CACNA2D1: variants seen among roughly 807,000 people sequenced by gnomAD.
CACNA2D1 encodes voltage-dependent calcium channel subunit alpha-2/delta-1.
In CACNA2D1, 53 loss-of-function variants were observed where a neutral mutation model predicts 171.5. That is an observed-to-expected ratio of 0.31 (90% CI 0.25 to 0.39). CACNA2D1 has a LOEUF of 0.39. Among genes scored for constraint, CACNA2D1 ranks in the 10% least tolerant of loss-of-function variants. The probability of loss-of-function intolerance (pLI) is 1.00; values close to 1 mark genes in which losing one functional copy is unlikely to be tolerated. For synonymous variants in CACNA2D1, 442 were observed against 443.1 expected (o/e 1.00, Z 0.03); for missense variants, 903 against 1,299.8 (o/e 0.69, Z 4.69).
rs1288306352 is a variant in CACNA2D1 at position 82,402,800 on chromosome 7, G to GT, written c.95+40564dup. 2.0e-5 allele frequency among the ~76,000 whole-genome samples: 3 copies of GT among 150,386 alleles called. No homozygotes were observed. The East Asian group carries it at 5.9e-4, about 30-fold the overall frequency. On this transcript the variant is annotated intron_variant, in intron 1 of 38. Transcript: ENST00000356860. ...TATCCTTTAAACAAGTCAACTGAAT[G>GT]TTTTAAAATAAAGAGGGGACATGAT...
rs75158917 is a variant in CACNA2D1 at position 81,974,525 on chromosome 7, C to T, written c.1983G>A (p.Ser661=). Residue 661 remains serine, a synonymous_variant, in exon 25 of 39, where the codon TCG becomes TCA. Coordinates refer to ENST00000356860, the MANE Select transcript of CACNA2D1 (RefSeq NM_000722.4). ...TTAAAAGAAATTCAGTGTTATTATC[C>T]GATATTTTCAGGTCATTGCAGTAAT... ...PRDYCNDLKI[S]DNNTEFLLNF... is the part of the protein sequence containing the mutation. The T allele has an allele frequency of 2.3e-3, 3,628 of 1,564,042 alleles. 7 individuals carry two copies. Among genetic ancestry groups the T allele is most frequent in the Middle Eastern group, 2.9e-3 (17 of 5,898 alleles).
intron 1 of CACNA2D1, among the ~76,000 whole-genome samples, chr7:82,406,072 G>A (rs1169859638): frequency 6.6e-6 from 1 of 151,908 alleles, no homozygotes; most frequent in Non-Finnish European, 1.5e-5. Flanking sequence ...CCGGTGTGTG[G>A]TATTCCCCAC....
intron 3 of CACNA2D1, among the ~76,000 whole-genome samples, chr7:82,236,272 C>A (rs1033157350): frequency 6.6e-6 from 1 of 151,998 alleles, no homozygotes; most frequent in East Asian, 1.9e-4. Context: ...ATTTTAAAAG[C>A]CTTTGGATCC....
At chr7:82,364,626 G>T (rs1314492102) in intron 1 of CACNA2D1, among the ~76,000 whole-genome samples, 2 of 152,162 alleles carry the variant, frequency 1.3e-5, no homozygotes, top group African/African-American at 4.8e-5. Context: ...GCTCGAATTA[G>T]AATCTTATTC....
At chr7:82,173,597 T>A (rs1293521846) in intron 3 of CACNA2D1, among the ~76,000 whole-genome samples, 2 of 150,602 alleles carry the variant, frequency 1.3e-5, no homozygotes, top group African/African-American at 5.0e-5. Context: ...CAACAGTCAC[T>A]GGGTGGTGCT....
At chr7:82,212,961 T>C (rs1366322972) in intron 3 of CACNA2D1, among the ~76,000 whole-genome samples, 1 of 151,764 alleles carries the variant, frequency 6.6e-6, no homozygotes, top group African/African-American at 2.4e-5. Flanking sequence ...AGTGCAATGG[T>C]GCGATCTCAG....
chr7:82,200,011 C>G (rs957096543), intron 3 of CACNA2D1, among the ~76,000 whole-genome samples: 1 of 151,912 alleles, frequency 6.6e-6, no homozygotes, highest in African/African-American at 2.4e-5. Context: ...TTATGAAGTA[C>G]AAGAATAGGA....
chr7:82,118,560 G>A (rs1245534563), intron 5 of CACNA2D1, among the ~76,000 whole-genome samples: 1 of 152,022 alleles, frequency 6.6e-6, no homozygotes, highest in Non-Finnish European at 1.5e-5. Context: ...ATAATACAAT[G>A]AGAATATATT....
chr7:82,043,201 C>T (rs1432623448), intron 10 of CACNA2D1, among the ~76,000 whole-genome samples: 2 of 152,128 alleles, frequency 1.3e-5, no homozygotes, highest in Non-Finnish European at 1.5e-5. Flanking sequence ...TGCATCTTAG[C>T]TCTGCAATAT....
At chr7:82,097,501 G>A (rs866099329) in intron 6 of CACNA2D1, among the ~76,000 whole-genome samples, 2 of 152,096 alleles carry the variant, frequency 1.3e-5, no homozygotes, top group Non-Finnish European at 2.9e-5. Flanking sequence ...ACAAATGTGG[G>A]AAAGGAGAAA....
rs144824133 is a variant in CACNA2D1 at position 82,128,866 on chromosome 7, T to A, written c.396+7769A>T. Among the ~76,000 whole-genome samples the A allele has an allele frequency of 2.1e-3, 319 of 152,206 alleles. 1 individual carries two copies. The highest frequency in any genetic ancestry group is 7.1e-3 in the African/African-American group (293 of 41,534). On this transcript the variant is annotated intron_variant, in intron 5 of 38. Coordinates refer to ENST00000356860, the MANE Select transcript of CACNA2D1 (RefSeq NM_000722.4). The stretch of plus-strand genomic sequence containing the variant: ...GAATGCTGGTGTTCTGAGGAGTCTA[T>A]CTTGTATTGTCTTAAGGTATTTTTT...
intron 3 of CACNA2D1, among the ~76,000 whole-genome samples, chr7:82,209,798 C>T (rs190121448): frequency 8.7e-4 from 132 of 152,240 alleles, no homozygotes; most frequent in African/African-American, 3.0e-3. Flanking sequence ...CATTTTTGCG[C>T]TGTGTGAATC....
intron 16 of CACNA2D1, among the ~76,000 whole-genome samples, chr7:82,006,319 T>C (rs1439656786): frequency 6.6e-6 from 1 of 152,010 alleles, no homozygotes; most frequent in East Asian, 1.9e-4. Context: ...ATCCTAAAAG[T>C]ATGTGACCAT....
At chr7:82,141,800 G>C (rs987075242) in intron 4 of CACNA2D1, among the ~76,000 whole-genome samples, 1 of 152,178 alleles carries the variant, frequency 6.6e-6, no homozygotes, top group African/African-American at 2.4e-5. Flanking sequence ...CTGTTGATCA[G>C]TTTGAGCATA....
rs748220072 is a variant in CACNA2D1, at chr7:82,173,693, G to A, written c.295-3084C>T. 4.6e-5 allele frequency among the ~76,000 whole-genome samples: 7 copies of A among 152,014 alleles called. No homozygotes were observed. In the South Asian group the frequency reaches 6.2e-4, roughly 14 times the overall value. Reference sequence around the variant, plus strand: ...TAATTCACTTCTGTTTTGGTCAAATGACATTTTATTTTTAAAGCTAATGAG... The same window carrying A: ...TAATTCACTTCTGTTTTGGTCAAATAACATTTTATTTTTAAAGCTAATGAG... On this transcript the variant is annotated intron_variant, in intron 3 of 38. Coordinates refer to ENST00000356860, the MANE Select transcript of CACNA2D1 (RefSeq NM_000722.4).
intron 38 of CACNA2D1, among the ~76,000 whole-genome samples, chr7:81,958,554 C>T (rs77741121): frequency 0.014 from 2,131 of 152,048 alleles, 34 homozygotes; most frequent in Middle Eastern, 0.045. Context: ...ATACTGATGA[C>T]ATATTACCTA....
intron 7 of CACNA2D1, among the ~76,000 whole-genome samples, chr7:82,069,998 G>T (rs1057216864): frequency 6.6e-6 from 1 of 152,098 alleles, no homozygotes; most frequent in Non-Finnish European, 1.5e-5. Context: ...CTCCTATAGA[G>T]TATTAGTCAT....
intron 1 of CACNA2D1, among the ~76,000 whole-genome samples, chr7:82,392,783 C>A (rs1371171846): frequency 1.3e-5 from 2 of 152,056 alleles, no homozygotes; most frequent in Non-Finnish European, 2.9e-5. Context: ...ATCATTGGGT[C>A]TTTTCCCATA....
chr7:82,342,179 AT>A (rs1361468484), intron 2 of CACNA2D1, among the ~76,000 whole-genome samples: 3 of 151,078 alleles, frequency 2.0e-5, no homozygotes, highest in African/African-American at 7.3e-5. Flanking sequence ...TACCTTTGAA[AT>A]TTTTTATGAC....
Sources: allele counts gnomAD v4.1 joint callset (sites outside exome capture counted in the v4.1 genomes callset), GRCh38; gene constraint gnomAD v4.1.1; transcripts MANE v1.5; gene names NCBI Gene and HGNC (gene_info 2026-07-23, HGNC 2026-07-21).